The following SCAMP1 variants were observed in gnomAD, a reference collection of about 807,000 sequenced individuals.
SCAMP1 encodes secretory carrier membrane protein 1, also known as secretory carrier-associated membrane protein 1.
A neutral mutation model predicts 41.8 loss-of-function variants in SCAMP1; 15 were observed. The ratio of observed to expected loss-of-function variants is 0.36; its 90% confidence interval spans 0.24 to 0.55. SCAMP1 has a LOEUF of 0.55. Ranked by LOEUF, SCAMP1 falls within the 20% of genes least tolerant of loss-of-function variation. The probability of loss-of-function intolerance (pLI) is 0.86; values close to 1 mark genes in which losing one functional copy is unlikely to be tolerated. For missense variants in SCAMP1, 341 were observed against 412.6 expected, an observed-to-expected ratio of 0.83 and a Z score of 1.50; for synonymous variants, 135 against 136.8, an observed-to-expected ratio of 0.99 and a Z score of 0.09.
intron 8 of SCAMP1, among the ~76,000 whole-genome samples, chr5:78,472,665 G>C (rs16875447): frequency 0.28 from 42,741 of 151,852 alleles, 6,316 homozygotes; most frequent in East Asian, 0.54. Context: ...TTTCCCTCTA[G>C]GTGGCTCTCT....
At chr5:78,407,215 T>C (rs1180548676) in intron 2 of SCAMP1, among the ~76,000 whole-genome samples, 1 of 152,198 alleles carries the variant, frequency 6.6e-6, no homozygotes, top group Non-Finnish European at 1.5e-5. Context: ...CTTGTTGTTA[T>C]CCCTAAAGTA....
At chr5:78,441,967 A>G (rs1752934279) in intron 6 of SCAMP1, among the ~76,000 whole-genome samples, 1 of 152,156 alleles carries the variant, frequency 6.6e-6, no homozygotes, top group South Asian at 2.1e-4. Flanking sequence ...GATCTCTACA[A>G]AAAGTACAAA....
At chr5:78,391,403 G>T (rs1363505412) in intron 2 of SCAMP1, among the ~76,000 whole-genome samples, 1 of 150,968 alleles carries the variant, frequency 6.6e-6, no homozygotes, top group African/African-American at 2.4e-5. Context: ...CTGGCCTGGC[G>T]GGGGGCTGAC....
intron 6 of SCAMP1, among the ~76,000 whole-genome samples, chr5:78,440,038 G>A (rs922534686): frequency 1.6e-4 from 24 of 152,100 alleles, no homozygotes; most frequent in Admixed American, 5.2e-4. Flanking sequence ...TTCTCGTGCC[G>A]TGGTTTTCAG....
At chr5:78,449,713 A>G (rs10474548) in intron 6 of SCAMP1, among the ~76,000 whole-genome samples, 54,900 of 152,026 alleles carry the variant, frequency 0.36, 11,907 homozygotes, top group Non-Finnish European at 0.49. Context: ...TTGTGAGGTT[A>G]GAATAACGAT....
At chr5:78,403,621 T>C (rs944805793) in intron 2 of SCAMP1, among the ~76,000 whole-genome samples, 3 of 152,068 alleles carry the variant, frequency 2.0e-5, no homozygotes, top group African/African-American at 7.2e-5. Context: ...TGAGATCACA[T>C]TGAGATCCTG....
intron 6 of SCAMP1, among the ~76,000 whole-genome samples, chr5:78,441,820 G>A (rs12374462): frequency 0.37 from 56,300 of 152,050 alleles, 12,555 homozygotes; most frequent in Non-Finnish European, 0.5. Flanking sequence ...GGGCAACAGA[G>A]TGAGGCTCTG....
intron 4 of SCAMP1, 30 bp downstream of exon 4, chr5:78,416,679 T>C (rs1752217734): frequency 6.7e-7 from 1 of 1,503,656 alleles, no homozygotes; most frequent in African/African-American, 1.4e-5. Context: ...GAAATAAAAA[T>C]AACTTTTAAA....
At chr5:78,457,514 G>A (rs1234120433) in intron 7 of SCAMP1, among the ~76,000 whole-genome samples, 1 of 152,154 alleles carries the variant, frequency 6.6e-6, no homozygotes, top group South Asian at 2.1e-4. Context: ...AGGGGTCAGG[G>A]ACCCAGTTGA....
intron 4 of SCAMP1, among the ~76,000 whole-genome samples, chr5:78,417,138 C>T (rs1293190800): frequency 6.6e-6 from 1 of 152,134 alleles, no homozygotes; most frequent in African/African-American, 2.4e-5. Flanking sequence ...TGAATTGTTG[C>T]AGTGAATTCT....
At chr5:78,395,228 C>G (rs1420886475) in intron 2 of SCAMP1, among the ~76,000 whole-genome samples, 3 of 151,936 alleles carry the variant, frequency 2.0e-5, no homozygotes, top group Admixed American at 2.0e-4. Flanking sequence ...GTACAGAGTA[C>G]CAGTTTATTT....
intron 1 of SCAMP1, among the ~76,000 whole-genome samples, chr5:78,363,236 G>A (rs1418077085): frequency 6.9e-6 from 1 of 145,542 alleles, no homozygotes; most frequent in Non-Finnish European, 1.5e-5. Flanking sequence ...TTTTTGAGAC[G>A]GAGTCTCCCT....
intron 8 of SCAMP1, among the ~76,000 whole-genome samples, chr5:78,460,272 A>G (rs1437171789): frequency 2.0e-5 from 3 of 152,184 alleles, no homozygotes; most frequent in East Asian, 1.9e-4. Context: ...GATACCCAGT[A>G]TAGGGTGATT....
At chr5:78,446,397 A>T (rs1753052884) in intron 6 of SCAMP1, among the ~76,000 whole-genome samples, 1 of 152,202 alleles carries the variant, frequency 6.6e-6, no homozygotes, top group African/African-American at 2.4e-5. Context: ...TGAAGGCTGT[A>T]GACATTATTC....
intron 8 of SCAMP1, among the ~76,000 whole-genome samples, chr5:78,462,635 CTT>C (rs746340168): frequency 6.6e-6 from 1 of 152,048 alleles, no homozygotes; most frequent in African/African-American, 2.4e-5. Context: ...TATCTTGAAA[CTT>C]TACTCAAGTT....
chr5:78,436,130 G>C (rs946659257), intron 6 of SCAMP1, among the ~76,000 whole-genome samples: 1 of 152,128 alleles, frequency 6.6e-6, no homozygotes, highest in African/African-American at 2.4e-5. Flanking sequence ...TTAGCCCTTT[G>C]TCAGATGGGT....
At chr5:78,364,493 C>T (rs1439796678) in intron 1 of SCAMP1, among the ~76,000 whole-genome samples, 1 of 151,632 alleles carries the variant, frequency 6.6e-6, no homozygotes, top group African/African-American at 2.4e-5. Flanking sequence ...AAAACAAAGC[C>T]CACAGAGGCA....
At chr5:78,437,392 T>C (rs1752785526) in intron 6 of SCAMP1, among the ~76,000 whole-genome samples, 1 of 152,264 alleles carries the variant, frequency 6.6e-6, no homozygotes, top group South Asian at 2.1e-4. Flanking sequence ...GTCCCATCAA[T>C]ACCTAGTTTA....
chr5:78,431,650 A>T (rs1186198889), intron 6 of SCAMP1, among the ~76,000 whole-genome samples: 1 of 149,572 alleles, frequency 6.7e-6, no homozygotes, highest in African/African-American at 2.5e-5. Flanking sequence ...TTTTTACAAT[A>T]TATGTCTCTA....
Sources: allele counts gnomAD v4.1 joint callset (sites outside exome capture counted in the v4.1 genomes callset), GRCh38; gene constraint gnomAD v4.1.1; transcripts MANE v1.5; gene names NCBI Gene and HGNC (gene_info 2026-07-23, HGNC 2026-07-21).